WASF3: variants seen among roughly 807,000 people sequenced by gnomAD.
WASF3 encodes WASP family member 3.
In WASF3, 11 loss-of-function variants were observed where a neutral mutation model predicts 46.6. The ratio of observed to expected loss-of-function variants is 0.24; its 90% CI spans 0.15 to 0.39. The LOEUF (loss-of-function observed/expected upper bound fraction) is 0.39, where lower values mean the gene tolerates loss of function less well. Ranked by LOEUF, WASF3 falls within the 10% of genes least tolerant of loss-of-function variation. The pLI, the probability that WASF3 is intolerant of heterozygous loss-of-function variation, is 1.00. For missense variants in WASF3, 576 were observed against 669.8 expected (o/e 0.86, Z 1.55); for synonymous variants, 242 against 259.7 (o/e 0.93, Z 0.65).
upstream of WASF3, among the ~76,000 whole-genome samples, chr13:26,553,530 T>C (rs527731335): frequency 3.3e-5 from 5 of 152,038 alleles, no homozygotes; most frequent in South Asian, 8.3e-4. Context: ...TAAAAAATAA[T>C]GGAGAGGCCG....
At chr13:26,602,852 T>C (rs1880681858) in intron 1 of WASF3, among the ~76,000 whole-genome samples, 1 of 152,212 alleles carries the variant, frequency 6.6e-6, no homozygotes, top group Non-Finnish European at 1.5e-5. Flanking sequence ...ATTTTCTGTA[T>C]ATTTCGTGCA....
At chr13:26,595,253 ACTT>A in intron 1 of WASF3, among the ~76,000 whole-genome samples, 1 of 152,344 alleles carries the variant, frequency 6.6e-6, no homozygotes, top group South Asian at 2.1e-4. Flanking sequence ...AGTCTGAAGA[ACTT>A]CAGCATCTTT....
intron 2 of WASF3, among the ~76,000 whole-genome samples, chr13:26,630,191 G>A (rs941510531): frequency 1.3e-5 from 2 of 152,048 alleles, no homozygotes; most frequent in East Asian, 3.9e-4. Context: ...TAAAGTTCTA[G>A]GGTACATGTG....
chr13:26,683,384 G>A lies in WASF3; in HGVS notation c.1351+410G>A, dbSNP rs143655497. Among the ~76,000 whole-genome samples, 5 of 152,164 alleles carry A rather than the reference G, an allele frequency of 3.3e-5. No homozygotes were observed. In the East Asian group the frequency reaches 9.7e-4, roughly 29 times the overall value. On this transcript the variant is annotated intron_variant, in intron 9 of 9. Coordinates refer to ENST00000335327, the MANE Select transcript of WASF3 (RefSeq NM_006646.6). ...CCAGCTACTCAGGAGGCTGAGGTGG[G>A]AGGATTGCTTGAGTGTGGGAGGTCA...
chr13:26,553,093 T>C (rs1344538627), upstream of WASF3, among the ~76,000 whole-genome samples: 1 of 152,226 alleles, frequency 6.6e-6, no homozygotes, highest in Non-Finnish European at 1.5e-5. Flanking sequence ...GCTTGAGAGC[T>C]GTTCAGTTAT....
At chr13:26,680,386 G>A (rs55990013) in intron 7 of WASF3, among the ~76,000 whole-genome samples, 7,471 of 152,146 alleles carry the variant, frequency 0.049, 286 homozygotes, top group Non-Finnish European at 0.067. Context: ...CCTCCTGAGG[G>A]CTTAGCAGGA....
intron 2 of WASF3, among the ~76,000 whole-genome samples, chr13:26,621,167 A>C (rs996325533): frequency 6.6e-6 from 1 of 152,166 alleles, no homozygotes; most frequent in Non-Finnish European, 1.5e-5. Context: ...GGAATGAGAC[A>C]TACCTTTAAT....
upstream of WASF3, among the ~76,000 whole-genome samples, chr13:26,556,698 A>G (rs780286664): frequency 4.6e-5 from 7 of 152,164 alleles, no homozygotes; most frequent in Non-Finnish European, 1.0e-4. Flanking sequence ...ATTTTTTCCA[A>G]CTTTTAGTTG....
chr13:26,642,286 A>AG lies in WASF3; in HGVS notation c.18dup (p.Asn7GlufsTer3). Reference sequence around the variant, plus strand: ...ATTGTGAACCATGCCTTTAGTGAAGAGGAACATTGAGCCCCGGCACTTGTG... The same window carrying AG: ...ATTGTGAACCATGCCTTTAGTGAAGAGGGAACATTGAGCCCCGGCACTTGTG... On this transcript the variant is annotated frameshift_variant, in exon 3 of 10. Coordinates refer to ENST00000335327, the MANE Select transcript of WASF3 (RefSeq NM_006646.6). LOFTEE classifies it high-confidence loss of function. 3 of 1,578,166 alleles carry AG rather than the reference A, an allele frequency of 1.9e-6. No individual in the cohort carries two copies. The highest frequency in any genetic ancestry group is 2.6e-6 in the Non-Finnish European group (3 of 1,169,144).
chr13:26,572,963 C>G (rs1406250361), intron 1 of WASF3, among the ~76,000 whole-genome samples: 1 of 152,106 alleles, frequency 6.6e-6, no homozygotes. Context: ...TGTGTGATCA[C>G]AGTCAGGTTC....
chr13:26,649,899 G>A (rs9507753), intron 3 of WASF3, among the ~76,000 whole-genome samples: 67,680 of 151,402 alleles, frequency 0.45, 16,353 homozygotes, highest in Non-Finnish European at 0.55. Context: ...GTGAAACCCC[G>A]TCTCTCTAAA....
chr13:26,574,213 G>GTC lies in WASF3; in HGVS notation c.-109+16404_-109+16405dup, dbSNP rs758599933. On this transcript the variant is annotated intron_variant, in intron 1 of 9. Coordinates refer to ENST00000335327, the MANE Select transcript of WASF3 (RefSeq NM_006646.6). ...TTCTCTGTTACCAGAGTGGAGTGCT[G>GTC]TCTCTCTCTCTATATATACAGAACA... is the stretch of plus-strand genomic sequence containing the variant. Among the ~76,000 whole-genome samples the GTC allele has an allele frequency of 1.6e-4, 24 of 152,190 alleles. No homozygotes were observed. In the South Asian group the frequency reaches 4.1e-3, roughly 26 times the overall value.
chr13:26,544,343 T>A, the WASF3 span, among the ~76,000 whole-genome samples: 114 of 152,254 alleles, frequency 7.5e-4, no homozygotes, highest in Non-Finnish European at 8.8e-5. Context: ...AGATGCATAG[T>A]AAGATGGAAG....
At chr13:26,623,743 C>T (rs1214707896) in intron 2 of WASF3, among the ~76,000 whole-genome samples, 1 of 152,130 alleles carries the variant, frequency 6.6e-6, no homozygotes, top group Non-Finnish European at 1.5e-5. Context: ...AGGAGCCTAG[C>T]ACCTGGTAAC....
intron 8 of WASF3, among the ~76,000 whole-genome samples, chr13:26,681,941 T>C (rs1078631): frequency 0.17 from 26,023 of 152,070 alleles, 2,527 homozygotes; most frequent in South Asian, 0.26. Flanking sequence ...CGTGTGTTGG[T>C]GTCCACTGCT....
chr13:26,605,962 G>C (rs1209994524), intron 1 of WASF3, among the ~76,000 whole-genome samples: 1 of 152,172 alleles, frequency 6.6e-6, no homozygotes. Context: ...CATTGATTGA[G>C]AGGGTGCCAT....
chr13:26,609,408 C>G (rs1880902755), intron 1 of WASF3: 1 of 151,898 alleles, frequency 6.6e-6, no homozygotes, highest in Non-Finnish European at 1.5e-5. Context: ...ATTACCTGCA[C>G]TCATATTGGC....
chr13:26,558,671 GC>G (rs1566034191), intron 1 of WASF3, among the ~76,000 whole-genome samples: 2 of 152,294 alleles, frequency 1.3e-5, no homozygotes, highest in East Asian at 3.9e-4. Context: ...TATGTGATGG[GC>G]TTAGGGATCA....
At chr13:26,670,048 C>T (rs1593181344) in intron 5 of WASF3, among the ~76,000 whole-genome samples, 1 of 152,204 alleles carries the variant, frequency 6.6e-6, no homozygotes, top group South Asian at 2.1e-4. Context: ...TATAAAGACA[C>T]ATGCACACGT....
Sources: allele counts gnomAD v4.1 joint callset (sites outside exome capture counted in the v4.1 genomes callset), GRCh38; gene constraint gnomAD v4.1.1; transcripts MANE v1.5; gene names NCBI Gene and HGNC (gene_info 2026-07-23, HGNC 2026-07-21).